RAB11FIP1: variants seen among roughly 807,000 people sequenced by gnomAD.
RAB11FIP1 encodes the protein RAB11 family interacting protein 1.
A neutral mutation model predicts 83.1 loss-of-function variants in RAB11FIP1; 49 were observed. The observed-to-expected ratio is 0.59, with a 90% CI of 0.47 to 0.75. The LOEUF is 0.75. RAB11FIP1 is among the 30% of genes least tolerant of loss of function. The probability of loss-of-function intolerance (pLI) is 0.00; values close to 1 mark genes in which losing one functional copy is unlikely to be tolerated. For synonymous variants in RAB11FIP1, 670 were observed against 656.0 expected, an observed-to-expected ratio of 1.02 and a Z score of -0.33; for missense variants, 1,536 against 1,598.7, an observed-to-expected ratio of 0.96 and a Z score of 0.67.
In RAB11FIP1 at chr8:37,871,346, C is replaced by A; in HGVS notation, c.3456G>T (p.Trp1152Cys). ...CTGGATGTGTCTCCGAGGGTGAGACCCAGGCCTGGAGGAGTGGCTTCCTCT... is the reference window on the plus strand; with the variant it reads ...CTGGATGTGTCTCCGAGGGTGAGACACAGGCCTGGAGGAGTGGCTTCCTCT... ...FGKRKPLLQA[W>C]VSPSETHPVS... Residue 1152 changes from tryptophan to cysteine, a missense_variant, in exon 4 of 6, where the codon TGG (tryptophan) becomes TGT (cysteine). Transcript: ENST00000330843. 1.9e-6 allele frequency: 3 copies of A among 1,614,134 alleles called. No individual in the cohort carries two copies. Among genetic ancestry groups the A allele is most frequent in the Non-Finnish European group, 2.5e-6 (3 of 1,180,002 alleles).
intron 1 of RAB11FIP1, among the ~76,000 whole-genome samples, chr8:37,884,920 G>C (rs1373864915): frequency 2.6e-5 from 4 of 152,064 alleles, no homozygotes; most frequent in African/African-American, 7.2e-5. Context: ...TGGCCACACA[G>C]AATCCTCTCA....
At chr8:37,878,692 TAAAA>T (rs1326272323) in intron 1 of RAB11FIP1, among the ~76,000 whole-genome samples, 2 of 132,030 alleles carry the variant, frequency 1.5e-5, no homozygotes, top group Middle Eastern at 3.6e-3. Context: ...AACACAGAAT[TAAAA>T]AAAAAAAAAA....
chr8:37,887,424 G>A (rs1009761858), intron 1 of RAB11FIP1, among the ~76,000 whole-genome samples: 6 of 151,836 alleles, frequency 4.0e-5, no homozygotes, highest in African/African-American at 1.2e-4. Context: ...CCAGCTACTC[G>A]GGAGGATGAG....
intron 1 of RAB11FIP1, chr8:37,878,221 T>C (rs1029108830): frequency 6.6e-6 from 1 of 151,704 alleles, no homozygotes; most frequent in Admixed American, 6.6e-5. Context: ...TGAGTGATGT[T>C]TTCCTTCAGT....
chr8:37,882,171 G>C (rs942357658), intron 1 of RAB11FIP1, among the ~76,000 whole-genome samples: 5 of 152,160 alleles, frequency 3.3e-5, no homozygotes, highest in Admixed American at 2.0e-4. Context: ...CCTCCACGGG[G>C]ATGCACAAAT....
rs1054474720 is a variant in RAB11FIP1 at position 37,899,191 on chromosome 8, G to A, written c.251C>T (p.Ala84Val). 1.9e-6 allele frequency: 3 copies of A among 1,564,796 alleles called. No individual in the cohort carries two copies. The highest frequency in any genetic ancestry group is 2.3e-5 in the East Asian group (1 of 42,824). The change falls in exon 1 of 6, where the codon GCC becomes GTC. Residue 84 changes from alanine (A) to valine (V), a missense_variant. By Grantham distance (64) the Ala-to-Val change is moderately conservative. Coordinates refer to ENST00000330843, the MANE Select transcript of RAB11FIP1 (RefSeq NM_001002814.3). This position sits in a 1 kb window ranked among gnomAD's most constrained non-coding sequence, Gnocchi z 4.5. ...LPSLLSSGPA[A>V]AATLQLTVLH... ...CACGGTGAGCTGCAGGGTGGCGGCG[G>A]CCGCGGGTCCGGAGGACAGCAGCGA...
At position 37,866,679 on chromosome 8, in the gene RAB11FIP1, G is replaced by GA. The variant is rs5891217; in HGVS notation, c.3634-3567dup. ...GGCGCTAAAACAACAACCAAGAAAA[G>GA]AAAAAAAAAAAACACTGTAGTAATG... On this transcript the variant is annotated intron_variant, in intron 5 of 5. Transcript: ENST00000330843. Among the ~76,000 whole-genome samples, 1,253 of 147,992 alleles carry GA rather than the reference G, an allele frequency of 8.5e-3. 19 individuals carry two copies. Among genetic ancestry groups the GA allele is most frequent in the African/African-American group, 0.029 (1,179 of 40,512 alleles).
rs143870639 is a variant in RAB11FIP1, at chr8:37,871,504, G to A, written c.3298C>T (p.Pro1100Ser). 6.2e-7 allele frequency: 1 copy of A among 1,612,714 alleles called. No individual in the cohort carries two copies. The highest frequency in any genetic ancestry group is 8.5e-7 in the Non-Finnish European group (1 of 1,179,318). ...TGTGTGACAGGAAAGATCTCAGAAGGGGAGGGGCTGGGTACAGGATTGTCC... is the reference window on the plus strand; with the variant it reads ...TGTGTGACAGGAAAGATCTCAGAAGAGGAGGGGCTGGGTACAGGATTGTCC... ...SLDNPVPSPS[P>S]SEIFPVTHSF... Residue 1100 changes from proline (P) to serine (S), a missense_variant, in exon 4 of 6, where the codon CCT becomes TCT. Physicochemically the swap from Pro to Ser is moderately conservative, Grantham distance 74. Transcript: ENST00000330843.
intron 1 of RAB11FIP1, among the ~76,000 whole-genome samples, chr8:37,879,225 T>C (rs1286682077): frequency 6.6e-6 from 1 of 152,072 alleles, no homozygotes; most frequent in Non-Finnish European, 1.5e-5. Flanking sequence ...GGAGAATTGC[T>C]TGAACCCGGG....
intron 3 of RAB11FIP1, among the ~76,000 whole-genome samples, chr8:37,874,140 T>A (rs1806548656): frequency 6.6e-6 from 1 of 152,220 alleles, no homozygotes; most frequent in South Asian, 2.1e-4. Context: ...AACATCTGGC[T>A]CAAAGGGAAA....
intron 1 of RAB11FIP1, among the ~76,000 whole-genome samples, chr8:37,878,716 G>A (rs1201854661): frequency 2.0e-5 from 3 of 150,500 alleles, no homozygotes; most frequent in African/African-American, 4.9e-5. Context: ...AAGTGGGGAG[G>A]GGGTTGGGCA....
At chr8:37,890,523 C>T (rs1417739647) in intron 1 of RAB11FIP1, among the ~76,000 whole-genome samples, 1 of 152,186 alleles carries the variant, frequency 6.6e-6, no homozygotes, top group African/African-American at 2.4e-5. Context: ...TGATTTTCCT[C>T]TAACAGATTA....
intron 1 of RAB11FIP1, among the ~76,000 whole-genome samples, chr8:37,897,409 G>C (rs763259063): frequency 1.3e-5 from 2 of 149,826 alleles, no homozygotes; most frequent in Non-Finnish European, 3.0e-5. Flanking sequence ...ATAGGCTTTC[G>C]GTGCTAACTG....
At chr8:37,893,631 A>G (rs1806994907) in intron 1 of RAB11FIP1, among the ~76,000 whole-genome samples, 1 of 152,088 alleles carries the variant, frequency 6.6e-6, no homozygotes, top group Non-Finnish European at 1.5e-5. Flanking sequence ...AAACAAAACC[A>G]AAAAATAAAT....
In RAB11FIP1 at chr8:37,872,172, G is replaced by C. The variant is rs1366226289; in HGVS notation, c.2630C>G (p.Ala877Gly). 6.2e-7 allele frequency: 1 copy of C among 1,613,874 alleles called. No individual in the cohort carries two copies. The highest frequency in any genetic ancestry group is 8.5e-7 in the Non-Finnish European group (1 of 1,179,968). The change falls in exon 4 of 6, where the codon GCG becomes GGG. Residue 877 changes from alanine (A) to glycine (G), a missense_variant. Physicochemically the swap from Ala to Gly is moderately conservative, Grantham distance 60. Coordinates refer to ENST00000330843, the MANE Select transcript of RAB11FIP1 (RefSeq NM_001002814.3). The stretch of plus-strand genomic sequence containing the variant: ...GAGGTGATCCGCTGGGGAGGCTGGC[G>C]CACCACACGTCGCTGGCCCAGGTGT... ...VTTPGPATCG[A>G]PASPADHLLL...
In RAB11FIP1 at chr8:37,871,899, T is replaced by A. The variant is rs761972253; in HGVS notation, c.2903A>T (p.Asp968Val). Residue 968 changes from aspartate to valine, a missense_variant, in exon 4 of 6, where the codon GAT becomes GTT. By Grantham distance (152) the Asp-to-Val change is radical. Coordinates refer to ENST00000330843, the MANE Select transcript of RAB11FIP1 (RefSeq NM_001002814.3). ...TTCAACCTGATCTATTCTTTCATCA[T>A]CCGATGCGACTTCAGGAATGGAAGG... The part of the protein sequence containing the change: ...SLPSIPEVAS[D>V]DERIDQVEDD... 6.2e-7 allele frequency: 1 copy of A among 1,614,054 alleles called. No individual in the cohort carries two copies.
In RAB11FIP1 at chr8:37,861,374, T is replaced by C. The variant is rs1480642363; in HGVS notation, c.*1521A>G. ...CCTGTTTTCTACTGACTTTTAACTT[T>C]TATTAACTACATTAAGCCCTTCACT... On this transcript the variant is annotated 3_prime_UTR_variant, in exon 6 of 6. Transcript: ENST00000330843. The C allele has an allele frequency of 1.1e-5, 3 of 276,482 alleles. No individual in the cohort carries two copies. The highest frequency in any genetic ancestry group is 7.0e-5 in the African/African-American group (3 of 42,872). 17.1% of individuals were successfully genotyped at this position (276,482 alleles called of 1,614,324 possible).
Position 37,862,379 on chromosome 8 carries a change from G to T in RAB11FIP1, c.*516C>A, listed in dbSNP as rs1585424692. ...CTGAGAAGCTGGGTAGGTTTACATG[G>T]TATCAAAATTTAACATCTGCAGCCA... On this transcript the variant is annotated 3_prime_UTR_variant, in exon 6 of 6. Coordinates refer to ENST00000330843, the MANE Select transcript of RAB11FIP1 (RefSeq NM_001002814.3). 6.5e-6 allele frequency: 1 copy of T among 153,910 alleles called. No homozygotes were observed. Among genetic ancestry groups the T allele is most frequent in the African/African-American group, 2.4e-5 (1 of 41,434 alleles). 9.5% of individuals were successfully genotyped at this position (153,910 alleles called of 1,614,324 possible). A position where few individuals can be genotyped will look rare whatever the true frequency, so the allele number is the denominator to read the frequency against.
chr8:37,868,265 T>C (rs1806381880), intron 5 of RAB11FIP1, among the ~76,000 whole-genome samples: 1 of 151,726 alleles, frequency 6.6e-6, no homozygotes, highest in Non-Finnish European at 1.5e-5. Flanking sequence ...CTACTAAAAA[T>C]ATAAAAATTA....
Sources: gnomAD v4.1 joint callset for allele counts (sites outside exome capture counted in the v4.1 genomes callset) on GRCh38, gnomAD v4.1.1 for gene constraint, Gnocchi (gnomAD v3.1) non-coding constraint, MANE v1.5 for transcripts, NCBI Gene and HGNC (gene_info 2026-07-23, HGNC 2026-07-21) for gene names.